Variants in OCLN observed in about 807,000 individuals in gnomAD.
OCLN encodes the protein phosphatase 1, regulatory subunit 115.
A neutral mutation model predicts 47.9 loss-of-function variants in OCLN; 21 were observed. The observed-to-expected ratio is 0.44, with a 90% CI of 0.31 to 0.63. The LOEUF is 0.63. OCLN is among the 30% of genes least tolerant of loss of function. OCLN has a pLI of 0.08. For missense variants in OCLN, 360 were observed against 571.0 expected, an observed-to-expected ratio of 0.63 and a Z score of 3.77; for synonymous variants, 117 against 198.4, an observed-to-expected ratio of 0.59 and a Z score of 3.45.
chr5:69,548,700 TATA>T (rs1315393187), intron 7 of OCLN, among the ~76,000 whole-genome samples: 1 of 151,250 alleles, frequency 6.6e-6, no homozygotes, highest in Non-Finnish European at 1.5e-5. Context: ...GGCTCATGGC[TATA>T]ATCCCCACAC....
Position 69,504,300 on chromosome 5 carries a change from T to A in OCLN, c.50+6T>A, listed in dbSNP as rs1768536373. 1 of 1,538,404 alleles carries A rather than the reference T, an allele frequency of 6.5e-7. No homozygotes were observed. The highest frequency in any genetic ancestry group is 9.0e-7 in the Non-Finnish European group (1 of 1,111,736). On this transcript the variant is annotated splice_donor_region_variant and intron_variant, in intron 2 of 8. Coordinates refer to ENST00000396442, the MANE Select transcript of OCLN (RefSeq NM_001205254.2). ...CCTTACAGGCCTGATGAATTGTAAGTAAATAATTCTTTAGTTATTCTCTTT... is the reference window on the plus strand; with the variant it reads ...CCTTACAGGCCTGATGAATTGTAAGAAAATAATTCTTTAGTTATTCTCTTT...
chr5:69,536,085 C>G (rs1216599920), intron 5 of OCLN, among the ~76,000 whole-genome samples: 1 of 152,140 alleles, frequency 6.6e-6, no homozygotes, highest in African/African-American at 2.4e-5. Flanking sequence ...CCATTGCACT[C>G]CAGCCTGGGC....
rs28376467 is a variant in OCLN, at chr5:69,532,198, A to C, written c.892-2496A>C. On this transcript the variant is annotated intron_variant, in intron 4 of 8. Transcript: ENST00000396442. ...AGGCTTTATAGAATTTGTGGTTGGC[A>C]GACCTGGGGTGAGCCCAGATAATCT... is the stretch of plus-strand genomic sequence containing the variant. Among the ~76,000 whole-genome samples the C allele has an allele frequency of 3.5e-3, 533 of 151,880 alleles. 2 individuals carry two copies. Among genetic ancestry groups the C allele is most frequent in the African/African-American group, 0.012 (489 of 41,392 alleles).
intron 4 of OCLN, among the ~76,000 whole-genome samples, chr5:69,520,993 A>G (rs1769122306): frequency 6.6e-6 from 1 of 152,106 alleles, no homozygotes; most frequent in Non-Finnish European, 1.5e-5. Context: ...GATTACAGGC[A>G]CATGCCACCA....
chr5:69,525,974 C>G (rs1385753127), intron 4 of OCLN, among the ~76,000 whole-genome samples: 1 of 152,086 alleles, frequency 6.6e-6, no homozygotes, highest in East Asian at 1.9e-4. Context: ...ACACCTGGAC[C>G]AGAAAACCAG....
Position 69,515,675 on chromosome 5 carries a change from G to C in OCLN, c.891+1566G>C, listed in dbSNP as rs1768937102. On this transcript the variant is annotated intron_variant, in intron 4 of 8. Transcript: ENST00000396442. The stretch of plus-strand genomic sequence containing the variant: ...CCCTCCCGGATGGGGTAGCTGCCGG[G>C]CAGAGACGCTCCTCACTTCCCAGAC... Among the ~76,000 whole-genome samples, 3 of 151,784 alleles carry C rather than the reference G, an allele frequency of 2.0e-5. No individual in the cohort carries two copies. The South Asian group carries it at 6.2e-4, about 32-fold the overall frequency.
chr5:69,529,454 A>G (rs181674456), intron 4 of OCLN, among the ~76,000 whole-genome samples: 3 of 152,324 alleles, frequency 2.0e-5, no homozygotes, highest in African/African-American at 7.2e-5. Flanking sequence ...TCATTTTGCT[A>G]TTTCGGAAAT....
chr5:69,492,986 C>T lies in OCLN; in HGVS notation c.-69+86C>T, dbSNP rs28513225. On this transcript the variant is annotated intron_variant, in intron 1 of 8. Transcript: ENST00000396442. ...GCGGCGACTATGTTAGGGGAGGTGC[C>T]GGGGGGAGGACGCTCCGCGCTGGTT... 130,093 of 152,010 alleles carry T rather than the reference C, an allele frequency of 0.86. 55,809 individuals carry two copies. The highest frequency in any genetic ancestry group is 0.9 in the South Asian group (4,305 of 4,808). The allele number at this position is 152,010 out of a possible 1,614,324, so 9.4% of individuals were successfully genotyped here. A position where few individuals can be genotyped will look rare whatever the true frequency, so the allele number is the denominator to read the frequency against.
chr5:69,531,314 T>C (rs1306785745), intron 4 of OCLN, among the ~76,000 whole-genome samples: 1 of 151,988 alleles, frequency 6.6e-6, no homozygotes, highest in Non-Finnish European at 1.5e-5. Context: ...GAGGAGGTGG[T>C]GGCACATGAG....
intron 4 of OCLN, among the ~76,000 whole-genome samples, chr5:69,514,793 T>C (rs1416679573): frequency 6.6e-6 from 1 of 152,220 alleles, no homozygotes; most frequent in African/African-American, 2.4e-5. Context: ...TTAATCCATT[T>C]AACCCTGAGT....
chr5:69,517,318 T>G (rs76790823), intron 4 of OCLN, among the ~76,000 whole-genome samples: 1 of 118,590 alleles, frequency 8.4e-6, no homozygotes, highest in Non-Finnish European at 1.9e-5. Flanking sequence ...ATATATATTT[T>G]TTTTTTTTTT....
At chr5:69,522,426 G>A (rs1007888389) in intron 4 of OCLN, among the ~76,000 whole-genome samples, 6 of 152,144 alleles carry the variant, frequency 3.9e-5, no homozygotes, top group Admixed American at 3.9e-4. Context: ...ATCACCAGAA[G>A]CTTTAGACCA....
intron 1 of OCLN, among the ~76,000 whole-genome samples, chr5:69,496,185 G>T (rs1051320783): frequency 1.3e-4 from 20 of 150,728 alleles, no homozygotes; most frequent in African/African-American, 4.9e-4. Context: ...TGCAAGCTCC[G>T]CCTCCCGGGT....
At chr5:69,515,384 C>G (rs1258360446) in intron 4 of OCLN, among the ~76,000 whole-genome samples, 1 of 144,266 alleles carries the variant, frequency 6.9e-6, no homozygotes, top group East Asian at 2.1e-4. Context: ...ACCTCCCAGA[C>G]AGGGCGGCTG....
intron 1 of OCLN, among the ~76,000 whole-genome samples, chr5:69,499,403 A>T (rs1398181830): frequency 1.3e-5 from 2 of 151,962 alleles, no homozygotes; most frequent in African/African-American, 4.8e-5. Context: ...TTTCCCCTGA[A>T]TATTTTCTGT....
chr5:69,521,829 C>T (rs1275079156), intron 4 of OCLN, among the ~76,000 whole-genome samples: 1 of 152,172 alleles, frequency 6.6e-6, no homozygotes, highest in Non-Finnish European at 1.5e-5. Flanking sequence ...GGTGATTAAG[C>T]ATATGCTTAT....
intron 4 of OCLN, among the ~76,000 whole-genome samples, chr5:69,516,519 GGA>G (rs1768976698): frequency 1.3e-5 from 2 of 151,958 alleles, no homozygotes; most frequent in Non-Finnish European, 2.9e-5. Context: ...GTGGGGAGAG[GGA>G]GAGGGGGGAG....
intron 3 of OCLN, among the ~76,000 whole-genome samples, chr5:69,511,271 GAT>G (rs1768777853): frequency 6.7e-6 from 1 of 149,376 alleles, no homozygotes; most frequent in African/African-American, 2.5e-5. Context: ...TTTTAGTAGA[GAT>G]GGGGTTTCAC....
At chr5:69,497,898 C>T (rs1220956558) in intron 1 of OCLN, among the ~76,000 whole-genome samples, 1 of 151,472 alleles carries the variant, frequency 6.6e-6, no homozygotes, top group Non-Finnish European at 1.5e-5. Flanking sequence ...TTTGGGAGGC[C>T]GAGGCGGGCG....
Sources: gnomAD v4.1 joint callset for allele counts (sites outside exome capture counted in the v4.1 genomes callset) on GRCh38, gnomAD v4.1.1 for gene constraint, MANE v1.5 for transcripts, NCBI Gene and HGNC (gene_info 2026-07-23, HGNC 2026-07-21) for gene names.